The following ABCG8 variants were observed in gnomAD, a reference collection of about 807,000 sequenced individuals.
ABCG8 encodes ATP binding cassette subfamily G member 8, also known as ATP-binding cassette sub-family G member 8.
A neutral mutation model predicts 71.3 loss-of-function variants in ABCG8; 81 were observed. That is an observed-to-expected ratio of 1.14 (90% CI 0.95 to 1.37). The LOEUF (loss-of-function observed/expected upper bound fraction) is 1.37. ABCG8 is among the 40% of genes most tolerant of loss of function. The probability of loss-of-function intolerance (pLI) is 0.00; values close to 1 mark genes in which losing one functional copy is unlikely to be tolerated. For synonymous variants in ABCG8, 451 were observed against 354.7 expected, an observed-to-expected ratio of 1.27 and a Z score of -3.05; for missense variants, 1,119 against 866.2, an observed-to-expected ratio of 1.29 and a Z score of -3.66.
chr2:43,854,495 C>T (rs1448670534), intron 6 of ABCG8, among the ~76,000 whole-genome samples: 2 of 151,900 alleles, frequency 1.3e-5, no homozygotes, highest in African/African-American at 2.4e-5. Context: ...GGGTGCGTGA[C>T]GCTTGCCTAT....
chr2:43,862,458 T>A (rs1354988995), intron 6 of ABCG8, among the ~76,000 whole-genome samples: 10 of 151,100 alleles, frequency 6.6e-5, no homozygotes, highest in Admixed American at 6.6e-4. Flanking sequence ...CTGAATAGAA[T>A]TCTCACTCTC....
In ABCG8 at chr2:43,881,840, AAG is replaced by A. The variant is rs1214420604; in HGVS notation, c.*3930_*3931del. The stretch of plus-strand genomic sequence containing the variant: ...GCATGGCTTGCAAAGTTTTCCTGTT[AAG>A]AGTCAGATAGTAAATATTTGGGACT... On this transcript the variant is annotated 3_prime_UTR_variant, in exon 13 of 13. Transcript: ENST00000272286. 1 of 152,178 alleles carries A rather than the reference AAG, an allele frequency of 6.6e-6. No homozygotes were observed. 9.4% of individuals were successfully genotyped at this position (152,178 alleles called of 1,614,324 possible).
At chr2:43,873,484 G>T (rs143032849) in intron 8 of ABCG8, among the ~76,000 whole-genome samples, 3 of 152,052 alleles carry the variant, frequency 2.0e-5, no homozygotes, top group South Asian at 2.1e-4. Flanking sequence ...GAGCCACCAC[G>T]CCCAGCCTGT....
chr2:43,861,367 T>G (rs535527368), intron 6 of ABCG8, among the ~76,000 whole-genome samples: 5 of 151,434 alleles, frequency 3.3e-5, no homozygotes, highest in Admixed American at 3.3e-4. Context: ...GATAGAATTC[T>G]CATTCTCTGG....
At chr2:43,854,400 G>A (rs1055398259) in intron 6 of ABCG8, among the ~76,000 whole-genome samples, 1 of 152,168 alleles carries the variant, frequency 6.6e-6, no homozygotes, top group African/African-American at 2.4e-5. Context: ...GGCTGAGGCA[G>A]GCAGATCACA....
Position 43,849,013 on chromosome 2 carries a change from A to G in ABCG8, c.323-2571A>G, listed in dbSNP as rs1365677478. Among the ~76,000 whole-genome samples the G allele has an allele frequency of 4.1e-5, 6 of 146,722 alleles. No homozygotes were observed. In the East Asian group the frequency reaches 9.8e-4, roughly 24 times the overall value. ...CTCCAGCCTGGGCAGCAAGAGCAAA[A>G]CACTGTCTAAAAAAAAAAAAAAAAA... On this transcript the variant is annotated intron_variant, in intron 3 of 12. Transcript: ENST00000272286.
At chr2:43,849,310 C>T (rs1358298339) in intron 3 of ABCG8, among the ~76,000 whole-genome samples, 1 of 151,988 alleles carries the variant, frequency 6.6e-6, no homozygotes, top group Non-Finnish European at 1.5e-5. Context: ...CTGGGGAGGC[C>T]TCAGGAAACT....
intron 11 of ABCG8, among the ~76,000 whole-genome samples, chr2:43,876,449 T>G (rs555135490): frequency 6.7e-6 from 1 of 150,168 alleles, no homozygotes; most frequent in South Asian, 2.1e-4. Context: ...GGAGACTGTG[T>G]CGATATAAAG....
intron 6 of ABCG8, among the ~76,000 whole-genome samples, chr2:43,865,436 T>C (rs939334093): frequency 1.3e-5 from 2 of 151,698 alleles, no homozygotes; most frequent in African/African-American, 4.8e-5. Flanking sequence ...ACCATCTGGA[T>C]AGAGCTCTCA....
At chr2:43,858,404 A>C (rs1472371282) in intron 6 of ABCG8, among the ~76,000 whole-genome samples, 1 of 150,546 alleles carries the variant, frequency 6.6e-6, no homozygotes, top group Non-Finnish European at 1.5e-5. Flanking sequence ...AATTCTCACT[A>C]TCTATCTGGA....
At chr2:43,862,701 A>G (rs1408115439) in intron 6 of ABCG8, among the ~76,000 whole-genome samples, 1 of 150,760 alleles carries the variant, frequency 6.6e-6, no homozygotes, top group East Asian at 2.0e-4. Context: ...AACTCTCACT[A>G]TCTATCTGGA....
At position 43,877,859 on chromosome 2, in the gene ABCG8, C is replaced by A. The variant is rs1670015407; in HGVS notation, c.1968C>A (p.Val656=). The part of the protein sequence containing the change: ...IVIGLSGGFM[V]LYYVSLRFIK... ...TTGGCCTCAGCGGTGGCTTCATGGT[C>A]CTGTACTACGTGTCCTTAAGGTTCA... The change falls in exon 13 of 13, where the codon GTC becomes GTA. Residue 656 remains valine, a synonymous_variant. Coordinates refer to ENST00000272286, the MANE Select transcript of ABCG8 (RefSeq NM_022437.3). 6.2e-7 allele frequency: 1 copy of A among 1,614,126 alleles called. No individual in the cohort carries two copies. Among genetic ancestry groups the A allele is most frequent in the Non-Finnish European group, 8.5e-7 (1 of 1,180,020 alleles).
At chr2:43,844,656 C>A in intron 2 of ABCG8, 48 bp downstream of exon 2, 2 of 1,462,194 alleles carry the variant, frequency 1.4e-6, no homozygotes, top group Non-Finnish European at 1.9e-6. Context: ...CAGGGACAGC[C>A]AGGAAATTCC....
Position 43,846,168 on chromosome 2 carries a change from C to G in ABCG8, c.179C>G (p.Ser60Cys). ...ATCTCCCCACAGGTGGACCTGGCCT[C>G]TCAGGTCCCTTGGTTTGAGCAGCTG... ...RDLNYQVDLA[S>C]QVPWFEQLAQ... The change falls in exon 3 of 13, where the codon TCT becomes TGT. Residue 60 changes from serine (S) to cysteine (C), a missense_variant. Coordinates refer to ENST00000272286, the MANE Select transcript of ABCG8 (RefSeq NM_022437.3). The G allele has an allele frequency of 6.2e-7, 1 of 1,613,594 alleles. No individual in the cohort carries two copies. The highest frequency in any genetic ancestry group is 8.5e-7 in the Non-Finnish European group (1 of 1,180,024).
intron 10 of ABCG8, 32 bp downstream of exon 10, chr2:43,874,515 CCA>C: frequency 6.4e-7 from 1 of 1,557,902 alleles, no homozygotes; most frequent in Non-Finnish European, 8.9e-7. Flanking sequence ...CAAGTGCCCC[CCA>C]CCCACCAGGG....
At chr2:43,866,927 C>G (rs1298533420) in intron 6 of ABCG8, among the ~76,000 whole-genome samples, 1 of 150,668 alleles carries the variant, frequency 6.6e-6, no homozygotes, top group Non-Finnish European at 1.5e-5. Flanking sequence ...TTCACAATAG[C>G]AAAGACTTGG....
chr2:43,875,091 A>G, intron 10 of ABCG8, 55 bp from the exon 11 acceptor site: 1 of 1,613,128 alleles, frequency 6.2e-7, no homozygotes, highest in South Asian at 1.1e-5. Context: ...AAACGTTTAT[A>G]ATAATGGCAG....
intron 11 of ABCG8, among the ~76,000 whole-genome samples, chr2:43,875,809 A>T (rs1188419904): frequency 6.6e-6 from 1 of 151,954 alleles, no homozygotes; most frequent in African/African-American, 2.4e-5. Context: ...ATCCCTCTCG[A>T]CTCAGCCACG....
intron 8 of ABCG8, among the ~76,000 whole-genome samples, 159 bp downstream of exon 8, chr2:43,872,465 T>TA (rs1355003780): frequency 1.3e-5 from 2 of 152,190 alleles, no homozygotes; most frequent in Non-Finnish European, 2.9e-5. Flanking sequence ...CTTATGCCTG[T>TA]AATCCCAGCA....
Sources: allele counts gnomAD v4.1 joint callset (sites outside exome capture counted in the v4.1 genomes callset), GRCh38; gene constraint gnomAD v4.1.1; transcripts MANE v1.5; gene names NCBI Gene and HGNC (gene_info 2026-07-23, HGNC 2026-07-21).